The following UBR3 variants were observed in gnomAD, a reference collection of about 807,000 sequenced individuals.
UBR3 encodes E3 ubiquitin-protein ligase UBR3.
UBR3 carries 85 observed loss-of-function variants against 243.2 expected under a neutral mutation model. That is an observed-to-expected ratio of 0.35 (90% CI 0.29 to 0.42). The LOEUF (loss-of-function observed/expected upper bound fraction) is 0.42, where lower values mean the gene tolerates loss of function less well. Among genes scored for constraint, UBR3 ranks in the 10% least tolerant of loss-of-function variants. The pLI, the probability that UBR3 is intolerant of heterozygous loss-of-function variation, is 1.00. For missense variants in UBR3, 1,686 were observed against 2,300.8 expected (o/e 0.73, Z 5.47); for synonymous variants, 748 against 799.8 (o/e 0.94, Z 1.09).
chr2:169,885,926 G>A (rs1256224914), intron 5 of UBR3, among the ~76,000 whole-genome samples: 15 of 152,120 alleles, frequency 9.9e-5, no homozygotes, highest in African/African-American at 4.8e-5. Context: ...TTGGGAGGCC[G>A]AGGTGGGCGA....
At chr2:169,849,099 G>C (rs1294760954) in intron 1 of UBR3, among the ~76,000 whole-genome samples, 1 of 152,188 alleles carries the variant, frequency 6.6e-6, no homozygotes, top group Non-Finnish European at 1.5e-5. Context: ...AACAGCCTGG[G>C]CTCCAGAGTC....
chr2:169,874,986 T>A (rs921566211), intron 2 of UBR3, among the ~76,000 whole-genome samples: 3 of 117,000 alleles, frequency 2.6e-5, no homozygotes, highest in African/African-American at 7.6e-5. Context: ...CTTTTTCAGT[T>A]GTTGTCCAAG....
At chr2:169,875,010 C>G (rs1450172487) in intron 2 of UBR3, among the ~76,000 whole-genome samples, 2 of 145,564 alleles carry the variant, frequency 1.4e-5, no homozygotes, top group Non-Finnish European at 3.1e-5. Flanking sequence ...TTCTTTCTCT[C>G]CATCTCTATT....
intron 1 of UBR3, among the ~76,000 whole-genome samples, chr2:169,833,255 G>A (rs1290481355): frequency 6.6e-6 from 1 of 152,108 alleles, no homozygotes; most frequent in African/African-American, 2.4e-5. Context: ...CTGGTTTTGG[G>A]CTCTGATGGG....
chr2:170,076,202 C>T lies in UBR3; in HGVS notation c.5199+2595C>T, dbSNP rs74676550. ...TGGGGACAGCCCCATCAGAACTGTA[C>T]GGAGCAAGAAAAGGGGTTATTTTCT... On this transcript the variant is annotated intron_variant, in intron 36 of 38. Transcript: ENST00000272793. 6.6e-3 allele frequency among the ~76,000 whole-genome samples: 998 copies of T among 152,076 alleles called. 6 individuals are homozygous for T. The highest frequency in any genetic ancestry group is 0.012 in the Non-Finnish European group (788 of 68,008).
In UBR3 at chr2:169,932,923, G is replaced by T; in HGVS notation, c.2578G>T (p.Asp860Tyr). The T allele has an allele frequency of 6.5e-7, 1 of 1,543,808 alleles. No individual in the cohort carries two copies. Among genetic ancestry groups the T allele is most frequent in the Non-Finnish European group, 8.7e-7 (1 of 1,144,768 alleles). Residue 860 changes from aspartate to tyrosine, a missense_variant, in exon 19 of 39, where the codon GAT becomes TAT. Physicochemically the swap from Asp to Tyr is radical, Grantham distance 160 (BLOSUM62 -3). Transcript: ENST00000272793. ...GMYTPKAEVWDQEFDPVMVIL... is the reference protein window; with the variant it reads ...GMYTPKAEVWYQEFDPVMVIL... Reference sequence around the variant, plus strand: ...CTTTTGAATAATAGCTGAAGTCTGGGATCAAGAGTTTGACCCCGTCATGGT... The same window carrying T: ...CTTTTGAATAATAGCTGAAGTCTGGTATCAAGAGTTTGACCCCGTCATGGT...
At chr2:169,960,229 A>T (rs2087502400) in intron 24 of UBR3, among the ~76,000 whole-genome samples, 1 of 144,374 alleles carries the variant, frequency 6.9e-6, no homozygotes. Context: ...AGCCTGGGTG[A>T]CAAGAGCAAA....
chr2:170,011,632 T>C (rs2090085106), intron 29 of UBR3, among the ~76,000 whole-genome samples: 2 of 151,264 alleles, frequency 1.3e-5, no homozygotes, highest in African/African-American at 2.4e-5. Flanking sequence ...TTTTCTTTTT[T>C]TTTTTTTTTT....
chr2:169,965,396 G>T (rs2087760270), intron 24 of UBR3, among the ~76,000 whole-genome samples: 1 of 152,062 alleles, frequency 6.6e-6, no homozygotes, highest in South Asian at 2.1e-4. Context: ...TATCACTGGG[G>T]ATCTGTTCCA....
chr2:169,939,068 G>A (rs1253097055), intron 19 of UBR3, among the ~76,000 whole-genome samples: 1 of 151,074 alleles, frequency 6.6e-6, no homozygotes, highest in Non-Finnish European at 1.5e-5. Context: ...TATATTTAAT[G>A]ATTAAAAAAA....
chr2:170,001,962 C>G (rs1272693002), intron 27 of UBR3, among the ~76,000 whole-genome samples: 3 of 126,048 alleles, frequency 2.4e-5, no homozygotes, highest in Non-Finnish European at 3.4e-5. Flanking sequence ...ATTTTTTTCA[C>G]TTTAGCAACT....
chr2:170,059,824 C>T (rs1228811106), intron 33 of UBR3, among the ~76,000 whole-genome samples: 1 of 152,008 alleles, frequency 6.6e-6, no homozygotes. Context: ...AGAGGCACAC[C>T]CAAGCAAGTT....
At chr2:169,927,278 A>G (rs1162314864) in intron 16 of UBR3, 42 bp from the exon 17 acceptor site, 2 of 1,486,014 alleles carry the variant, frequency 1.3e-6, no homozygotes, top group South Asian at 1.3e-5. Flanking sequence ...TTTATAATTT[A>G]TGTATACTCA....
intron 1 of UBR3, among the ~76,000 whole-genome samples, chr2:169,837,460 G>C (rs1055504573): frequency 1.3e-5 from 2 of 152,228 alleles, no homozygotes; most frequent in Non-Finnish European, 2.9e-5. Flanking sequence ...TGGGCAACAA[G>C]AGGAAATCTC....
intron 32 of UBR3, among the ~76,000 whole-genome samples, chr2:170,051,007 C>G (rs2091203647): frequency 6.6e-6 from 1 of 152,086 alleles, no homozygotes; most frequent in Non-Finnish European, 1.5e-5. Context: ...TTCTCATATA[C>G]TTTAAATCAT....
intron 24 of UBR3, among the ~76,000 whole-genome samples, chr2:169,974,426 C>T (rs907622740): frequency 6.6e-6 from 1 of 152,202 alleles, no homozygotes; most frequent in Admixed American, 6.5e-5. Flanking sequence ...TTATCCATTT[C>T]TTTCAGGTTT....
intron 30 of UBR3, among the ~76,000 whole-genome samples, chr2:170,026,483 A>G (rs115722056): frequency 0.025 from 3,844 of 152,216 alleles, 94 homozygotes; most frequent in Middle Eastern, 0.044. Flanking sequence ...AGATGACATT[A>G]TATTTATTTT....
intron 10 of UBR3, among the ~76,000 whole-genome samples, chr2:169,910,302 A>C (rs767489021): frequency 6.6e-6 from 1 of 152,178 alleles, no homozygotes; most frequent in Non-Finnish European, 1.5e-5. Flanking sequence ...GAGAAAAATC[A>C]GAAGAATGCC....
chr2:169,886,873 T>C (rs1475130481), intron 5 of UBR3, among the ~76,000 whole-genome samples: 3 of 152,248 alleles, frequency 2.0e-5, no homozygotes, highest in Non-Finnish European at 2.9e-5. Flanking sequence ...TCTTCAAGTT[T>C]CATCTTATTG....
Sources: allele counts gnomAD v4.1 joint callset (sites outside exome capture counted in the v4.1 genomes callset), GRCh38; gene constraint gnomAD v4.1.1; transcripts MANE v1.5; gene names NCBI Gene and HGNC (gene_info 2026-07-23, HGNC 2026-07-21).